Variants in TBPL2 observed in about 807,000 individuals in gnomAD.
TBPL2 encodes the protein TATA box-binding protein-like 2.
Under a neutral mutation model 38.2 loss-of-function variants are expected in TBPL2, and 40 were observed. The observed-to-expected ratio is 1.05, with a 90% confidence interval of 0.81 to 1.36. The LOEUF is 1.36. Ranked by LOEUF, TBPL2 falls within the 40% of genes most tolerant of loss-of-function variation. The pLI, the probability that TBPL2 is intolerant of heterozygous loss-of-function variation, is 0.00. For synonymous variants in TBPL2, 169 were observed against 171.7 expected (o/e 0.98, Z 0.12); for missense variants, 461 against 456.7 (o/e 1.01, Z -0.09).
At chr14:55,422,621 G>A (rs889489036) in intron 6 of TBPL2, among the ~76,000 whole-genome samples, 4 of 152,182 alleles carry the variant, frequency 2.6e-5, no homozygotes, top group African/African-American at 9.6e-5. Context: ...AGAGGCCAAG[G>A]CAGGTAGATC....
intron 6 of TBPL2, among the ~76,000 whole-genome samples, chr14:55,417,940 A>G (rs1373885323): frequency 6.6e-6 from 1 of 152,202 alleles, no homozygotes; most frequent in Non-Finnish European, 1.5e-5. Flanking sequence ...AGGAAAATAA[A>G]TTACTTAACC....
At chr14:55,420,078 T>C (rs1003773714) in intron 6 of TBPL2, among the ~76,000 whole-genome samples, 8 of 152,152 alleles carry the variant, frequency 5.3e-5, no homozygotes, top group Non-Finnish European at 1.2e-4. Context: ...TTTTGTTTGT[T>C]TGTTTGTTTT....
intron 6 of TBPL2, among the ~76,000 whole-genome samples, chr14:55,419,869 A>C (rs1885716877): frequency 6.6e-6 from 1 of 152,192 alleles, no homozygotes; most frequent in South Asian, 2.1e-4. Flanking sequence ...TAATTGCAAC[A>C]CTTTACATTT....
At chr14:55,423,999 G>A (rs1049019779) in intron 6 of TBPL2, among the ~76,000 whole-genome samples, 160 bp downstream of exon 6, 1 of 152,188 alleles carries the variant, frequency 6.6e-6, no homozygotes, top group African/African-American at 2.4e-5. Context: ...TTTAGGTACT[G>A]GGACCTATGG....
At chr14:55,436,963 A>G (rs745307763) in exon 2 of TBPL2, 3 of 1,614,232 alleles carry the variant, frequency 1.9e-6, no homozygotes, top group Non-Finnish European at 2.5e-6. Context: ...CAGTATGTAC[A>G]TATCATAAGG....
intron 1 of TBPL2, among the ~76,000 whole-genome samples, chr14:55,439,823 C>T (rs1407119760): frequency 1.3e-5 from 2 of 149,726 alleles, no homozygotes; most frequent in Non-Finnish European, 3.0e-5. Flanking sequence ...CCCAGCTACT[C>T]GGGAGGCTGA....
chr14:55,429,085 T>G, intron 4 of TBPL2, 111 bp from the exon 5 acceptor site: 1 of 1,325,384 alleles, frequency 7.5e-7, no homozygotes, highest in East Asian at 2.4e-5. Context: ...CAATGTATAC[T>G]ATGAAGCTGT....
intron 5 of TBPL2, among the ~76,000 whole-genome samples, chr14:55,427,919 C>T (rs1472207487): frequency 5.7e-5 from 8 of 139,430 alleles, no homozygotes; most frequent in Non-Finnish European, 9.1e-5. Context: ...CTGGCTGTGG[C>T]CCGGGCTGGA....
At chr14:55,440,250 G>A in intron 1 of TBPL2, 146 bp downstream of exon 1, 1 of 993,796 alleles carries the variant, frequency 1.0e-6, no homozygotes, top group Middle Eastern at 2.4e-4. Context: ...ACTTTTCGAA[G>A]CTTCTAACCT....
chr14:55,421,080 A>G (rs1245915945), intron 6 of TBPL2, among the ~76,000 whole-genome samples: 3 of 150,626 alleles, frequency 2.0e-5, no homozygotes, highest in Non-Finnish European at 4.4e-5. Context: ...AAAAAAAAAG[A>G]AAAAAGAAAT....
chr14:55,439,364 A>G (rs12888181), intron 1 of TBPL2, among the ~76,000 whole-genome samples: 3 of 151,528 alleles, frequency 2.0e-5, no homozygotes, highest in Non-Finnish European at 4.4e-5. Context: ...CTTGACTTCT[A>G]GAGGGAGGCC....
intron 1 of TBPL2, among the ~76,000 whole-genome samples, chr14:55,438,565 C>T (rs1886053214): frequency 6.6e-6 from 1 of 152,164 alleles, no homozygotes; most frequent in Non-Finnish European, 1.5e-5. Context: ...CTCCCTTCCC[C>T]TTCCCCTTCC....
In TBPL2 at chr14:55,428,980, G is replaced by C. The variant is rs1165254982; in HGVS notation, c.789-6C>G. ...CAAGTCGAGACTGCTCTTCACTGGG[G>C]AGGGGCAAATATGTTTAAAGATGTC... On this transcript the variant is annotated splice_region_variant and splice_polypyrimidine_tract_variant and intron_variant, in intron 4 of 6. Coordinates refer to ENST00000247219, the Ensembl canonical transcript of TBPL2. 5.6e-6 allele frequency: 9 copies of C among 1,613,772 alleles called. No individual in the cohort carries two copies. Among genetic ancestry groups the C allele is most frequent in the Non-Finnish European group, 7.6e-6 (9 of 1,179,974 alleles).
chr14:55,424,935 A>G (rs1274831530), intron 5 of TBPL2, among the ~76,000 whole-genome samples: 2 of 152,212 alleles, frequency 1.3e-5, no homozygotes, highest in Admixed American at 6.5e-5. Flanking sequence ...CCTACCAAAA[A>G]GAAGTCAGGA....
intron 6 of TBPL2, among the ~76,000 whole-genome samples, chr14:55,415,829 A>T (rs867643422): frequency 6.6e-6 from 1 of 152,174 alleles, no homozygotes; most frequent in Admixed American, 6.5e-5. Flanking sequence ...TCGCACCATT[A>T]CACTCCAGCC....
intron 5 of TBPL2, among the ~76,000 whole-genome samples, chr14:55,427,574 T>G (rs1885845323): frequency 1.3e-5 from 2 of 152,104 alleles, no homozygotes; most frequent in Non-Finnish European, 2.9e-5. Context: ...CAAGAGAATT[T>G]AAGAGCATCT....
chr14:55,432,467 A>T (rs886325057), intron 4 of TBPL2, among the ~76,000 whole-genome samples: 3 of 141,386 alleles, frequency 2.1e-5, no homozygotes, highest in African/African-American at 8.8e-5. Context: ...ATAAAATACC[A>T]TAAACAGTAA....
intron 6 of TBPL2, among the ~76,000 whole-genome samples, chr14:55,416,981 A>G (rs1257726494): frequency 6.6e-6 from 1 of 152,230 alleles, no homozygotes; most frequent in Non-Finnish European, 1.5e-5. Context: ...TGGACTTCAG[A>G]CCGAAAATCA....
Position 55,424,256 on chromosome 14 carries a change from GT to G in TBPL2, c.957-4del, listed in dbSNP as rs771067867. On this transcript the variant is annotated splice_region_variant and splice_polypyrimidine_tract_variant and intron_variant, in intron 5 of 6. Coordinates refer to ENST00000247219, the Ensembl canonical transcript of TBPL2. ...CAGGAAACAGTTCAGGCTCGTAACTGTTAAGATGTAAAAGGAAAATGTTAAA... is the reference window on the plus strand; with the variant it reads ...CAGGAAACAGTTCAGGCTCGTAACTGTAAGATGTAAAAGGAAAATGTTAAA... 3.1e-6 allele frequency: 5 copies of G among 1,600,200 alleles called. No individual in the cohort carries two copies. The highest frequency in any genetic ancestry group is 2.6e-6 in the Non-Finnish European group (3 of 1,168,690).
Sources: allele counts gnomAD v4.1 joint callset (sites outside exome capture counted in the v4.1 genomes callset), GRCh38; gene constraint gnomAD v4.1.1; transcripts MANE v1.5; gene names NCBI Gene and HGNC (gene_info 2026-07-23, HGNC 2026-07-21).